The following NTF3 variants were observed in gnomAD, a reference collection of about 807,000 sequenced individuals.
NTF3 encodes the protein neurotrophin-3.
In NTF3, 8 loss-of-function variants were observed where a neutral mutation model predicts 26.3. That is an observed-to-expected ratio of 0.30 (90% CI 0.18 to 0.55). The LOEUF is 0.55. Among genes scored for constraint, NTF3 ranks in the 20% least tolerant of loss-of-function variants. The pLI, the probability that NTF3 is intolerant of heterozygous loss-of-function variation, is 0.93. For synonymous variants in NTF3, 154 were observed against 145.5 expected (o/e 1.06, Z -0.42); for missense variants, 276 against 352.9 (o/e 0.78, Z 1.75).
rs71064155 is a variant in NTF3, at chr12:5,433,454, G to GCGAGGGC, written c.18+1120_18+1126dup. ...GAGTTGAAGGTTAGGGACAGGAGGGGCGAGGGCCGAGGGCATGGGATGGGG... is the reference window on the plus strand; with the variant it reads ...GAGTTGAAGGTTAGGGACAGGAGGGGCGAGGGCCGAGGGCCGAGGGCATGGGATGGGG... On this transcript the variant is annotated intron_variant, in intron 1 of 1. Transcript: ENST00000423158. The surrounding 1 kb of genome is among the most constrained non-coding windows in gnomAD (Gnocchi z 4.6). The GCGAGGGC allele has an allele frequency of 0.14, 21,261 of 152,288 alleles. 1,835 individuals are homozygous for GCGAGGGC. Among genetic ancestry groups the GCGAGGGC allele is most frequent in the African/African-American group, 0.24 (10,042 of 41,408 alleles). 9.4% of individuals were successfully genotyped at this position (152,288 alleles called of 1,614,324 possible).
At chr12:5,476,462 T>C (rs1940724662) in intron 1 of NTF3, among the ~76,000 whole-genome samples, 1 of 152,166 alleles carries the variant, frequency 6.6e-6, no homozygotes, top group Non-Finnish European at 1.5e-5. Context: ...CTTGAGAACA[T>C]CAATTTGCTG....
chr12:5,481,877 C>A (rs1373511258), intron 1 of NTF3, among the ~76,000 whole-genome samples: 1 of 151,092 alleles, frequency 6.6e-6, no homozygotes, highest in African/African-American at 2.4e-5. Flanking sequence ...ACAGACATCA[C>A]ACATGCATAC....
chr12:5,438,692 G>A (rs1476614864), intron 1 of NTF3, among the ~76,000 whole-genome samples: 1 of 152,238 alleles, frequency 6.6e-6, no homozygotes, highest in Admixed American at 6.5e-5. Flanking sequence ...GTAGCCTGAG[G>A]CAGCAGGTAG....
upstream of NTF3, among the ~76,000 whole-genome samples, chr12:5,430,850 G>A (rs1482825005): frequency 6.6e-6 from 1 of 151,974 alleles, no homozygotes; most frequent in Non-Finnish European, 1.5e-5. Flanking sequence ...GATGATGTGA[G>A]GAGCGGCTGA....
At chr12:5,447,761 G>A (rs1940323927) in intron 1 of NTF3, among the ~76,000 whole-genome samples, 1 of 152,188 alleles carries the variant, frequency 6.6e-6, no homozygotes, top group Non-Finnish European at 1.5e-5. Flanking sequence ...AAGTCAGGCT[G>A]GGATAATGTT....
intron 1 of NTF3, among the ~76,000 whole-genome samples, chr12:5,452,189 G>A (rs1409648595): frequency 2.6e-5 from 4 of 150,958 alleles, no homozygotes; most frequent in South Asian, 4.2e-4. Flanking sequence ...TCCGCCTCCC[G>A]GGTTCAAGTG....
At chr12:5,475,405 C>T (rs1361543591) in intron 1 of NTF3, among the ~76,000 whole-genome samples, 1 of 152,100 alleles carries the variant, frequency 6.6e-6, no homozygotes, top group Non-Finnish European at 1.5e-5. Context: ...GAATTCTACT[C>T]TCTGGGAGAC....
chr12:5,491,062 C>T (rs1001212987), intron 1 of NTF3, among the ~76,000 whole-genome samples: 4 of 152,226 alleles, frequency 2.6e-5, no homozygotes, highest in Non-Finnish European at 5.9e-5. Flanking sequence ...TTTCATGGTG[C>T]ACAAGCCATG....
Position 5,494,448 on chromosome 12 carries a change from C to T in NTF3, c.273C>T (p.Ala91=), listed in dbSNP as rs761415132. ...GAGAGCCGGAGCGGGGAGGGCCCGC[C>T]AAGTCAGCATTCCAGCCGGTGATTG... ...APREPERGGP[A]KSAFQPVIAM... is the part of the protein sequence containing the mutation. Residue 91 remains alanine (A), a synonymous_variant, in exon 2 of 2, where the codon GCC becomes GCT. Coordinates refer to ENST00000423158, the MANE Select transcript of NTF3 (RefSeq NM_001102654.2). The surrounding 1 kb of genome is among the most constrained non-coding windows in gnomAD (Gnocchi z 8.3). 19 of 1,613,628 alleles carry T rather than the reference C, an allele frequency of 1.2e-5. No homozygotes were observed. The highest frequency in any genetic ancestry group is 1.2e-5 in the Non-Finnish European group (14 of 1,180,012).
At chr12:5,449,419 T>C (rs1940346467) in intron 1 of NTF3, among the ~76,000 whole-genome samples, 3 of 152,366 alleles carry the variant, frequency 2.0e-5, no homozygotes, top group South Asian at 2.1e-4. Context: ...CCCTGTTCTT[T>C]CTTTAACACT....
At chr12:5,432,598 CACACACACAG>C (rs1555141044) in intron 1 of NTF3, among the ~76,000 whole-genome samples, 93 of 143,556 alleles carry the variant, frequency 6.5e-4, no homozygotes, top group African/African-American at 1.2e-3. Flanking sequence ...CACACACACA[CACACACACAG>C]ACACGGACAC....
chr12:5,495,193 T>C lies in NTF3; in HGVS notation c.*205T>C, dbSNP rs940438863. 3 of 580,390 alleles carry C rather than the reference T, an allele frequency of 5.2e-6. No individual in the cohort carries two copies. The highest frequency in any genetic ancestry group is 6.1e-6 in the Non-Finnish European group (2 of 330,168). The allele number at this position is 580,390 out of a possible 1,614,324, so 36.0% of individuals were successfully genotyped here. A position where few individuals can be genotyped will look rare whatever the true frequency, so the allele number is the denominator to read the frequency against. On this transcript the variant is annotated 3_prime_UTR_variant, in exon 2 of 2. Coordinates refer to ENST00000423158, the MANE Select transcript of NTF3 (RefSeq NM_001102654.2). ...CTCTCCCATCTGTTAAAACTTGTTTTGTGATCCGGCTCTCAGGAGTCACTC... is the reference window on the plus strand; with the variant it reads ...CTCTCCCATCTGTTAAAACTTGTTTCGTGATCCGGCTCTCAGGAGTCACTC...
At chr12:5,454,977 G>A (rs1413956085) in intron 1 of NTF3, among the ~76,000 whole-genome samples, 1 of 152,232 alleles carries the variant, frequency 6.6e-6, no homozygotes, top group Non-Finnish European at 1.5e-5. Flanking sequence ...CCAGGCCTCA[G>A]TTTCTCTGTA....
intron 1 of NTF3, among the ~76,000 whole-genome samples, chr12:5,434,511 G>A (rs1014840738): frequency 1.3e-5 from 2 of 150,500 alleles, no homozygotes; most frequent in African/African-American, 4.9e-5. Flanking sequence ...GTGTGTAGGG[G>A]AAGGTGGCAA....
At chr12:5,487,521 T>C (rs1245452463) in intron 1 of NTF3, among the ~76,000 whole-genome samples, 1 of 152,206 alleles carries the variant, frequency 6.6e-6, no homozygotes, top group East Asian at 1.9e-4. Flanking sequence ...AGGTTCTCTG[T>C]TTTATTTTAT....
At chr12:5,475,000 C>G (rs1940705375) in intron 1 of NTF3, among the ~76,000 whole-genome samples, 1 of 152,072 alleles carries the variant, frequency 6.6e-6, no homozygotes, top group African/African-American at 2.4e-5. Flanking sequence ...TGAGATTCCT[C>G]TGCAGTTCAG....
chr12:5,434,582 C>T (rs967491376), intron 1 of NTF3, among the ~76,000 whole-genome samples: 1 of 150,848 alleles, frequency 6.6e-6, no homozygotes, highest in African/African-American at 2.4e-5. Flanking sequence ...GGGAGTCTGT[C>T]GGATGGGCAT....
At chr12:5,477,965 C>T (rs1217677851) in intron 1 of NTF3, among the ~76,000 whole-genome samples, 1 of 152,118 alleles carries the variant, frequency 6.6e-6, no homozygotes, top group African/African-American at 2.4e-5. Context: ...GAGAAGTAAC[C>T]CTTACTCCCT....
rs576405539 is a variant in NTF3, at chr12:5,453,408, T to C, written c.18+21066T>C. Among the ~76,000 whole-genome samples the C allele has an allele frequency of 7.9e-5, 12 of 152,308 alleles. No homozygotes were observed. The South Asian group carries it at 2.3e-3, about 29-fold the overall frequency. ...TATTGCTGTTTCACAGAGTGTAGGC[T>C]TTCCTCTGGCTTCCAGATCTGCCCA... On this transcript the variant is annotated intron_variant, in intron 1 of 1. Transcript: ENST00000423158.
Sources: allele counts gnomAD v4.1 joint callset (sites outside exome capture counted in the v4.1 genomes callset), GRCh38; gene constraint gnomAD v4.1.1; non-coding constraint Gnocchi (gnomAD v3.1); transcripts MANE v1.5; gene names NCBI Gene and HGNC (gene_info 2026-07-23, HGNC 2026-07-21).